NEK11: variants seen among roughly 807,000 people sequenced by gnomAD.
The protein encoded by NEK11 is NIMA related kinase 11, also known as serine/threonine-protein kinase Nek11.
In NEK11, 72 loss-of-function variants were observed where a neutral mutation model predicts 80.7. The ratio of observed to expected loss-of-function variants is 0.89; its 90% CI spans 0.74 to 1.08. The LOEUF (loss-of-function observed/expected upper bound fraction) is 1.08, where lower values mean the gene tolerates loss of function less well. Ranked by LOEUF, NEK11 falls within the 50% of genes least tolerant of loss-of-function variation. NEK11 has a pLI of 0.00. For missense variants in NEK11, 764 were observed against 763.6 expected (o/e 1.00, Z -0.01); for synonymous variants, 251 against 260.7 (o/e 0.96, Z 0.36).
chr3:131,244,928 A>C (rs2095574758), intron 16 of NEK11, among the ~76,000 whole-genome samples: 3 of 152,092 alleles, frequency 2.0e-5, no homozygotes, highest in African/African-American at 7.2e-5. Context: ...TATCTCAAAA[A>C]TATATATTAT....
intron 3 of NEK11, among the ~76,000 whole-genome samples, chr3:131,047,342 T>A (rs1375615724): frequency 6.6e-6 from 1 of 152,190 alleles, no homozygotes; most frequent in Non-Finnish European, 1.5e-5. Flanking sequence ...TTTGGGGGTG[T>A]TCACTTTGTT....
At chr3:131,344,426 A>G (rs1356301011) in intron 17 of NEK11, among the ~76,000 whole-genome samples, 1 of 152,200 alleles carries the variant, frequency 6.6e-6, no homozygotes, top group African/African-American at 2.4e-5. Context: ...AAGAAGTTCT[A>G]AACTTTTCCT....
At chr3:131,126,969 T>C (rs951848140) in intron 5 of NEK11, among the ~76,000 whole-genome samples, 8 of 141,852 alleles carry the variant, frequency 5.6e-5, no homozygotes, top group East Asian at 4.0e-4. Context: ...CTTTTTTTTT[T>C]TTTTTTTTTT....
chr3:131,280,456 C>T (rs560262479), intron 17 of NEK11, among the ~76,000 whole-genome samples: 16 of 151,658 alleles, frequency 1.1e-4, no homozygotes, highest in African/African-American at 3.9e-4. Flanking sequence ...ATCTTTTCTT[C>T]TGCAATGTCT....
intron 7 of NEK11, among the ~76,000 whole-genome samples, chr3:131,134,591 G>A (rs753308718): frequency 1.3e-5 from 2 of 151,848 alleles, no homozygotes; most frequent in Non-Finnish European, 2.9e-5. Context: ...TAGTAGGGAC[G>A]GGTTTCACTG....
At chr3:131,292,538 T>G (rs1461745248) in intron 17 of NEK11, among the ~76,000 whole-genome samples, 3 of 150,722 alleles carry the variant, frequency 2.0e-5, no homozygotes, top group African/African-American at 4.9e-5. Context: ...TTTTTAGAGA[T>G]AGAGTCTCAC....
At chr3:131,152,852 G>A (rs898762955) in intron 9 of NEK11, 143 bp downstream of exon 9, 14 of 630,440 alleles carry the variant, frequency 2.2e-5, no homozygotes, top group African/African-American at 3.7e-5. Context: ...CTGAGAGGCC[G>A]AGGCGGATGG....
chr3:131,280,769 G>A (rs2096383706), intron 17 of NEK11, among the ~76,000 whole-genome samples: 2 of 152,170 alleles, frequency 1.3e-5, no homozygotes, highest in South Asian at 2.1e-4. Flanking sequence ...ATAAATAGCC[G>A]GGATCTTTGT....
At chr3:131,175,321 A>C (rs1161992363) in intron 14 of NEK11, among the ~76,000 whole-genome samples, 1 of 152,186 alleles carries the variant, frequency 6.6e-6, no homozygotes, top group Non-Finnish European at 1.5e-5. Context: ...TTTTATTCAT[A>C]AGTACTCAAA....
chr3:131,091,965 A>G (rs954609370), intron 4 of NEK11, among the ~76,000 whole-genome samples: 5 of 152,200 alleles, frequency 3.3e-5, no homozygotes, highest in African/African-American at 1.2e-4. Flanking sequence ...GCATGGTGTG[A>G]TGATTTGGCT....
intron 7 of NEK11, among the ~76,000 whole-genome samples, chr3:131,148,444 T>C (rs1245616376): frequency 6.6e-6 from 1 of 151,978 alleles, no homozygotes; most frequent in African/African-American, 2.4e-5. Flanking sequence ...TGGAAGAATT[T>C]ATCAGTAAAG....
chr3:131,094,633 T>C (rs796566339), intron 4 of NEK11, among the ~76,000 whole-genome samples: 6 of 152,348 alleles, frequency 3.9e-5, no homozygotes, highest in African/African-American at 1.4e-4. Context: ...ACACATTTCA[T>C]GATAACCTTT....
intron 3 of NEK11, among the ~76,000 whole-genome samples, chr3:131,047,890 C>T (rs960969021): frequency 2.0e-5 from 3 of 152,072 alleles, no homozygotes; most frequent in African/African-American, 7.2e-5. Context: ...AGAGAAAGAC[C>T]ATTAGGTTGG....
chr3:131,200,568 C>T (rs960696702), intron 14 of NEK11, among the ~76,000 whole-genome samples: 3 of 152,132 alleles, frequency 2.0e-5, no homozygotes, highest in African/African-American at 7.2e-5. Flanking sequence ...AGAAATTGAC[C>T]CTTCTGCTCT....
intron 3 of NEK11, among the ~76,000 whole-genome samples, chr3:131,075,518 A>G (rs1034365276): frequency 6.6e-6 from 1 of 152,150 alleles, no homozygotes; most frequent in Non-Finnish European, 1.5e-5. Flanking sequence ...CTGCCATTAT[A>G]TATCTTTTTC....
At chr3:131,269,314 A>C (rs748443204) in intron 16 of NEK11, among the ~76,000 whole-genome samples, 1 of 152,204 alleles carries the variant, frequency 6.6e-6, no homozygotes, top group Non-Finnish European at 1.5e-5. Flanking sequence ...CCACTGGAGT[A>C]TGAAAAACAA....
At chr3:131,054,391 T>C (rs572112290) in intron 3 of NEK11, 19 of 151,742 alleles carry the variant, frequency 1.3e-4, no homozygotes, top group Non-Finnish European at 2.2e-4. Flanking sequence ...AAAAGAGACA[T>C]GGGTCCTGAT....
chr3:131,202,318 G>A (rs1657537648), intron 14 of NEK11, among the ~76,000 whole-genome samples: 1 of 152,152 alleles, frequency 6.6e-6, no homozygotes, highest in Admixed American at 6.5e-5. Context: ...AGTGCATGGG[G>A]TCAGAGGATT....
At chr3:131,085,934 G>T (rs1365840112) in intron 4 of NEK11, among the ~76,000 whole-genome samples, 2 of 151,874 alleles carry the variant, frequency 1.3e-5, no homozygotes, top group Non-Finnish European at 2.9e-5. Flanking sequence ...TGTTTTTTAT[G>T]AATTTGACAC....
Sources: gnomAD v4.1 joint callset for allele counts (sites outside exome capture counted in the v4.1 genomes callset) on GRCh38, gnomAD v4.1.1 for gene constraint, MANE v1.5 for transcripts, NCBI Gene and HGNC (gene_info 2026-07-23, HGNC 2026-07-21) for gene names.